Variants in POC1A observed in about 807,000 individuals in gnomAD.
The protein encoded by POC1A is POC1 centriolar protein A.
In POC1A, 34 loss-of-function variants were observed where a neutral mutation model predicts 47.8. The observed-to-expected ratio is 0.71, with a 90% CI of 0.54 to 0.95. The LOEUF is 0.95. POC1A is among the 40% of genes least tolerant of loss of function. POC1A has a pLI of 0.00. For missense variants in POC1A, 466 were observed against 528.3 expected (o/e 0.88, Z 1.16); for synonymous variants, 177 against 207.6 (o/e 0.85, Z 1.27).
rs550527960 is a variant in POC1A at position 52,096,574 on chromosome 3, T to A, written c.1120A>T (p.Thr374Ser). 4.4e-6 allele frequency: 7 copies of A among 1,576,454 alleles called. No homozygotes were observed. In the South Asian group the frequency reaches 8.2e-5, roughly 18 times the overall value. ...EHIVGQLDVL[T>S]QTVSILEQRL... is the part of the protein sequence containing the mutation. ...GAACCCACAGTGTGGCCTACCTGAG[T>A]GAGGACATCCAGCTGGCCCACAATG... Residue 374 changes from threonine to serine, a missense_variant, in exon 10 of 11, where the codon ACT (threonine) becomes TCT (serine). Thr to Ser is a moderately conservative substitution (Grantham distance 58). Transcript: ENST00000296484.
At chr3:52,105,828 G>T (rs1476074893) in intron 9 of POC1A, among the ~76,000 whole-genome samples, 1 of 152,200 alleles carries the variant, frequency 6.6e-6, no homozygotes, top group African/African-American at 2.4e-5. Context: ...TTTCATCTAG[G>T]GGGTATGAAC....
At chr3:52,083,096 G>C (rs973551368) in intron 10 of POC1A, among the ~76,000 whole-genome samples, 4 of 152,124 alleles carry the variant, frequency 2.6e-5, no homozygotes, top group Admixed American at 6.5e-5. Flanking sequence ...GGGGTGGCTG[G>C]GGGGAGAGCC....
chr3:52,103,356 G>A (rs1435980121), intron 9 of POC1A, among the ~76,000 whole-genome samples: 5 of 152,086 alleles, frequency 3.3e-5, no homozygotes, highest in African/African-American at 7.2e-5. Context: ...GCAACACCAC[G>A]TCTCTACTAA....
At chr3:52,091,271 C>T (rs921121795) in intron 10 of POC1A, among the ~76,000 whole-genome samples, 9 of 152,150 alleles carry the variant, frequency 5.9e-5, no homozygotes, top group East Asian at 1.9e-4. Flanking sequence ...CAGCATGTGA[C>T]GCCCACGCTC....
rs914597405 is a variant in POC1A at position 52,087,283 on chromosome 3, G to A, written c.1125+9286C>T. On this transcript the variant is annotated intron_variant, in intron 10 of 10. Transcript: ENST00000296484. Reference sequence around the variant, plus strand: ...CCTGAACCTCAGAGGGGAAGGAATGGAGCTCCCCTCTCATGCTGATGTCTG... The same window carrying A: ...CCTGAACCTCAGAGGGGAAGGAATGAAGCTCCCCTCTCATGCTGATGTCTG... 2.0e-5 allele frequency among the ~76,000 whole-genome samples: 3 copies of A among 152,278 alleles called. No individual in the cohort carries two copies. In the South Asian group the frequency reaches 6.2e-4, roughly 32 times the overall value.
At chr3:52,093,853 G>A (rs759851567) in intron 10 of POC1A, among the ~76,000 whole-genome samples, 1 of 152,242 alleles carries the variant, frequency 6.6e-6, no homozygotes, top group African/African-American at 2.4e-5. Context: ...CTCGCCACAT[G>A]GGGCCATACC....
intron 9 of POC1A, among the ~76,000 whole-genome samples, chr3:52,120,960 A>G (rs1278236209): frequency 6.6e-6 from 1 of 152,240 alleles, no homozygotes; most frequent in African/African-American, 2.4e-5. Flanking sequence ...GGCAGATGTC[A>G]GGGCCCTCCC....
intron 4 of POC1A, among the ~76,000 whole-genome samples, chr3:52,148,231 G>A (rs1318864553): frequency 6.6e-6 from 1 of 152,238 alleles, no homozygotes; most frequent in South Asian, 2.1e-4. Flanking sequence ...GCCACCAAAG[G>A]CCCAGTATGG....
chr3:52,089,815 C>T lies in POC1A; in HGVS notation c.1125+6754G>A, dbSNP rs563395913. 9.2e-5 allele frequency among the ~76,000 whole-genome samples: 14 copies of T among 152,110 alleles called. No homozygotes were observed. In the East Asian group the frequency reaches 2.7e-3, roughly 29 times the overall value. On this transcript the variant is annotated intron_variant, in intron 10 of 10. Transcript: ENST00000296484. Reference sequence around the variant, plus strand: ...TTTCCATAAGCAACAGCAGGTCCTCCCAGGAAAGAGGGATACAGAGAGCCC... The same window carrying T: ...TTTCCATAAGCAACAGCAGGTCCTCTCAGGAAAGAGGGATACAGAGAGCCC...
chr3:52,149,279 A>C lies in POC1A; in HGVS notation c.386T>G (p.Val129Gly), dbSNP rs1698473098. 2 of 1,614,112 alleles carry C rather than the reference A, an allele frequency of 1.2e-6. No individual in the cohort carries two copies. The highest frequency in any genetic ancestry group is 1.7e-6 in the Non-Finnish European group (2 of 1,180,014). The part of the protein sequence containing the change: ...VTASDDKTVK[V>G]WATHRQKFLF... ...GAATTTCTGGCGATGAGTTGCCCAC[A>C]CTTTGACTGTCTTGTCGTCAGAGGC... Residue 129 changes from valine (V) to glycine (G), a missense_variant, in exon 4 of 11, where the codon GTG (valine) becomes GGG (glycine). Transcript: ENST00000296484.
At chr3:52,142,271 G>A (rs1359086877) in intron 6 of POC1A, among the ~76,000 whole-genome samples, 5 of 152,212 alleles carry the variant, frequency 3.3e-5, no homozygotes, top group Admixed American at 2.6e-4. Flanking sequence ...CAGTCTTAAC[G>A]TGGGCTCAGA....
At chr3:52,150,010 T>A in intron 2 of POC1A, 23 bp from the exon 3 acceptor site, 1 of 1,603,846 alleles carries the variant, frequency 6.2e-7, no homozygotes, top group South Asian at 1.1e-5. Context: ...GGTGATGCTA[T>A]GACCTACAGC....
At chr3:52,086,106 C>T (rs191527891) in intron 10 of POC1A, among the ~76,000 whole-genome samples, 12 of 152,302 alleles carry the variant, frequency 7.9e-5, no homozygotes, top group Admixed American at 5.9e-4. Context: ...GTGGGCGCCC[C>T]CATGATGTCT....
At chr3:52,141,285 C>T (rs558080384) in intron 6 of POC1A, among the ~76,000 whole-genome samples, 19 of 152,366 alleles carry the variant, frequency 1.2e-4, no homozygotes, top group Middle Eastern at 3.4e-3. Context: ...CACTACCTAA[C>T]GGGCTGCAAA....
chr3:52,120,043 G>A (rs1703716717), intron 9 of POC1A, among the ~76,000 whole-genome samples: 1 of 152,152 alleles, frequency 6.6e-6, no homozygotes, highest in African/African-American at 2.4e-5. Context: ...GAAGCCCTTG[G>A]GCAAGAAGGG....
chr3:52,076,040 A>G, intron 10 of POC1A, 55 bp from the exon 11 acceptor site: 2 of 1,411,118 alleles, frequency 1.4e-6, no homozygotes, highest in South Asian at 1.2e-5. Context: ...AGGCTGCTCT[A>G]GGGACCCCCT....
intron 9 of POC1A, among the ~76,000 whole-genome samples, chr3:52,100,815 A>G (rs985504303): frequency 1.2e-4 from 18 of 152,296 alleles, no homozygotes; most frequent in Non-Finnish European, 5.9e-5. Flanking sequence ...GTGCAGGCCT[A>G]GGAGAGGAGA....
chr3:52,091,568 C>A (rs568442305), intron 10 of POC1A, among the ~76,000 whole-genome samples: 9 of 152,310 alleles, frequency 5.9e-5, no homozygotes, highest in African/African-American at 1.9e-4. Context: ...ACCTCCTGTG[C>A]CCTCCTCCTT....
intron 9 of POC1A, among the ~76,000 whole-genome samples, chr3:52,112,914 T>G (rs979602125): frequency 3.9e-5 from 6 of 152,196 alleles, no homozygotes; most frequent in Non-Finnish European, 8.8e-5. Flanking sequence ...AGTCCCTGGA[T>G]CAGCAGCATC....
Sources: gnomAD v4.1 joint callset for allele counts (sites outside exome capture counted in the v4.1 genomes callset) on GRCh38, gnomAD v4.1.1 for gene constraint, MANE v1.5 for transcripts, NCBI Gene and HGNC (gene_info 2026-07-23, HGNC 2026-07-21) for gene names.